The following FSIP2 variants were observed in gnomAD, a reference collection of about 807,000 sequenced individuals.
FSIP2 encodes the protein fibrous sheath interacting protein 2.
A neutral mutation model predicts 510.5 loss-of-function variants in FSIP2; 367 were observed. The observed-to-expected ratio is 0.72, with a 90% CI of 0.66 to 0.78. The LOEUF is 0.78. FSIP2 is among the 30% of genes least tolerant of loss of function. The pLI is 0.00. For synonymous variants in FSIP2, 2,601 were observed against 2,732.2 expected, an observed-to-expected ratio of 0.95 and a Z score of 1.50; for missense variants, 7,594 against 7,901.7, an observed-to-expected ratio of 0.96 and a Z score of 1.48.
At position 185,805,190 on chromosome 2, in the gene FSIP2, C is replaced by T. The variant is rs773224701; in HGVS notation, c.15884C>T (p.Thr5295Ile). 2 of 1,605,736 alleles carry T rather than the reference C, an allele frequency of 1.2e-6. No homozygotes were observed. The highest frequency in any genetic ancestry group is 1.7e-6 in the Non-Finnish European group (2 of 1,176,718). Reference protein sequence around the residue: ...VHKFCSLLIITEDSKKNEMAE... With the variant: ...VHKFCSLLIIIEDSKKNEMAE... ...AAATTTTGTTCTCTCCTCATTATTA[C>T]TGAAGATTCTAAGAAAAATGAAATG... Residue 5295 changes from threonine to isoleucine, a missense_variant, in exon 17 of 23, where the codon ACT becomes ATT. Coordinates refer to ENST00000424728, the MANE Select transcript of FSIP2 (RefSeq NM_173651.4).
At chr2:185,831,760 T>A (rs1694112984) in intron 21 of FSIP2, 53 bp from the exon 22 acceptor site, 1 of 1,109,316 alleles carries the variant, frequency 9.0e-7, no homozygotes, top group South Asian at 1.2e-5. Context: ...TGGGTATATC[T>A]AGTGTTTGTG....
At position 185,753,850 on chromosome 2, in the gene FSIP2, T is replaced by C; in HGVS notation, c.991+8T>C. On this transcript the variant is annotated splice_region_variant and intron_variant, in intron 8 of 22. Coordinates refer to ENST00000424728, the MANE Select transcript of FSIP2 (RefSeq NM_173651.4). ...GTCAAGATGGAACACATGGTGAATG[T>C]GAGAACATTAAAAGATGATGTAGCT... 1 of 1,445,608 alleles carries C rather than the reference T, an allele frequency of 6.9e-7. No individual in the cohort carries two copies. Among genetic ancestry groups the C allele is most frequent in the Non-Finnish European group, 9.1e-7 (1 of 1,104,758 alleles). 89.5% of individuals were successfully genotyped at this position (1,445,608 alleles called of 1,614,324 possible).
Position 185,806,531 on chromosome 2 carries a change from T to C in FSIP2, c.17225T>C (p.Ile5742Thr). The change falls in exon 17 of 23, where the codon ATC becomes ACC. Residue 5742 changes from isoleucine (I) to threonine (T), a missense_variant. By Grantham distance (89) the Ile-to-Thr change is moderately conservative (BLOSUM62 -1). Transcript: ENST00000424728. ...GTATCCTCCTCAACTAACAAAAATA[T>C]CTCTGCCAAAGAAAAAGAAGAGGAA... ...KKVSSSTNKN[I>T]SAKEKEEEER... The C allele has an allele frequency of 1.3e-6, 2 of 1,597,762 alleles. No homozygotes were observed. Among genetic ancestry groups the C allele is most frequent in the South Asian group, 1.1e-5 (1 of 87,724 alleles).
chr2:185,828,376 A>G (rs948086770), intron 21 of FSIP2, among the ~76,000 whole-genome samples, 177 bp downstream of exon 21: 12 of 151,848 alleles, frequency 7.9e-5, no homozygotes, highest in Non-Finnish European at 1.5e-4. Context: ...TGTCCCTGGT[A>G]TATTAAAATA....
rs201698826 is a variant in FSIP2, at chr2:185,794,037, G to A, written c.6901G>A (p.Asp2301Asn). Reference protein sequence around the residue: ...NCKQNDSIFYDSSQVESDVNV... With the variant: ...NCKQNDSIFYNSSQVESDVNV... ...TAAACAAAATGACAGCATCTTTTAT[G>A]ATTCAAGCCAAGTGGAATCAGATGT... The change falls in exon 16 of 23, where the codon GAT (aspartate) becomes AAT (asparagine). Residue 2301 changes from aspartate to asparagine, a missense_variant. Transcript: ENST00000424728. 1.8e-5 allele frequency: 28 copies of A among 1,533,764 alleles called. No homozygotes were observed. The South Asian group carries it at 3.0e-4, about 16-fold the overall frequency.
intron 7 of FSIP2, among the ~76,000 whole-genome samples, chr2:185,751,690 A>T (rs1692151953): frequency 6.6e-6 from 1 of 151,044 alleles, no homozygotes; most frequent in South Asian, 2.1e-4. Flanking sequence ...TTGATTTTTA[A>T]TGATCCCTTT....
At chr2:185,760,960 AT>A in intron 9 of FSIP2, 27 bp from the exon 10 acceptor site, 1 of 876,970 alleles carries the variant, frequency 1.1e-6, no homozygotes, top group Non-Finnish European at 1.7e-6. Flanking sequence ...AAAAAAAACT[AT>A]AGAGTTTCTC....
In FSIP2 at chr2:185,789,138, G is replaced by C. The variant is rs745893655; in HGVS notation, c.2002G>C (p.Asp668His). 6.5e-7 allele frequency: 1 copy of C among 1,535,112 alleles called. No individual in the cohort carries two copies. Among genetic ancestry groups the C allele is most frequent in the East Asian group, 2.4e-5 (1 of 40,860 alleles). ...KKSKDATTETDSLGSSLHCDK... is the reference protein window; with the variant it reads ...KKSKDATTETHSLGSSLHCDK... ...ATCTAAGGATGCTACCACTGAAACA[G>C]ATAGCTTAGGGAGTTCATTGCATTG... The change falls in exon 16 of 23, where the codon GAT becomes CAT. Residue 668 changes from aspartate (D) to histidine (H), a missense_variant. Coordinates refer to ENST00000424728, the MANE Select transcript of FSIP2 (RefSeq NM_173651.4).
Position 185,806,028 on chromosome 2 carries a change from TA to T in FSIP2, c.16728del (p.Asp5579MetfsTer10). On this transcript the variant is annotated frameshift_variant, in exon 17 of 23. Transcript: ENST00000424728. LOFTEE classifies it high-confidence loss of function. Reference sequence around the variant, plus strand: ...AGAAAAGAAATTTAATTCCAACAGATAAAAAAGGGAAAGATGATGAGATATA... The same window carrying T: ...AGAAAAGAAATTTAATTCCAACAGATAAAAAGGGAAAGATGATGAGATATA... ...EKKRNLIPTDKKGKDDEIYTH... is the reference protein window; with the variant it reads ...EKKRNLIPTDXKGKDDEIYTH... 5 of 1,552,732 alleles carry T rather than the reference TA, an allele frequency of 3.2e-6. No homozygotes were observed. The highest frequency in any genetic ancestry group is 2.0e-5 in the Admixed American group (1 of 49,006).
At chr2:185,823,587 G>T (rs1228439787) in intron 19 of FSIP2, among the ~76,000 whole-genome samples, 1 of 151,632 alleles carries the variant, frequency 6.6e-6, no homozygotes, top group East Asian at 2.0e-4. Context: ...TAAAGAAAAA[G>T]AAAACAAGTA....
At chr2:185,738,464 G>T, upstream of FSIP2, 1 of 738,208 alleles carries the variant, frequency 1.4e-6, no homozygotes, top group Non-Finnish European at 2.2e-6. Context: ...ATGGGGTGTG[G>T]TCTATATGGG....
At chr2:185,782,791 A>C (rs892245490) in intron 14 of FSIP2, 29 bp downstream of exon 14, 3 of 1,152,526 alleles carry the variant, frequency 2.6e-6, no homozygotes. Context: ...ATATATAATC[A>C]TAACTAATTT....
intron 13 of FSIP2, among the ~76,000 whole-genome samples, chr2:185,773,387 TGTAA>T (rs1171559705): frequency 6.6e-6 from 1 of 152,228 alleles, no homozygotes; most frequent in Non-Finnish European, 1.5e-5. Context: ...AGGTTTTCTT[TGTAA>T]GTGACTAGAT....
In FSIP2 at chr2:185,793,978, A is replaced by G. The variant is rs1337671251; in HGVS notation, c.6842A>G (p.Glu2281Gly). 3 of 1,531,882 alleles carry G rather than the reference A, an allele frequency of 2.0e-6. No homozygotes were observed. Among genetic ancestry groups the G allele is most frequent in the Non-Finnish European group, 2.6e-6 (3 of 1,144,504 alleles). The allele number at this position is 1,531,882 out of a possible 1,614,324, so 94.9% of individuals were successfully genotyped here. A position where few individuals can be genotyped will look rare whatever the true frequency, so the allele number is the denominator to read the frequency against. The change falls in exon 16 of 23, where the codon GAA (glutamate) becomes GGA (glycine). Residue 2281 changes from glutamate (E) to glycine (G), a missense_variant. By Grantham distance (98) the Glu-to-Gly change is moderately conservative. Coordinates refer to ENST00000424728, the MANE Select transcript of FSIP2 (RefSeq NM_173651.4). ...ATTACCCTTGCTTTCCAAAGTAAAG[A>G]AAAGTCATTTGTTATCCCAGAATTG... is the stretch of plus-strand genomic sequence containing the variant. ...SLITLAFQSKEKSFVIPELEN... is the reference protein window; with the variant it reads ...SLITLAFQSKGKSFVIPELEN...
At position 185,793,694 on chromosome 2, in the gene FSIP2, CCT is replaced by C; in HGVS notation, c.6559_6560del (p.Leu2187AspfsTer4). Reference protein sequence around the residue: ...AKNPTSARLPLTFCDTFPKID... With the variant: ...AKNPTSARLPXTFCDTFPKID... Reference sequence around the variant, plus strand: ...AGAATCCTACTTCTGCAAGATTGCCCCTGACATTTTGTGATACGTTTCCAAAA... The same window carrying C: ...AGAATCCTACTTCTGCAAGATTGCCCGACATTTTGTGATACGTTTCCAAAA... On this transcript the variant is annotated frameshift_variant, in exon 16 of 23. Transcript: ENST00000424728. LOFTEE classifies it high-confidence loss of function. 6.5e-7 allele frequency: 1 copy of C among 1,534,698 alleles called. No homozygotes were observed. The highest frequency in any genetic ancestry group is 8.7e-7 in the Non-Finnish European group (1 of 1,145,828).
At position 185,792,118 on chromosome 2, in the gene FSIP2, C is replaced by T. The variant is rs1225569960; in HGVS notation, c.4982C>T (p.Thr1661Ile). 3 of 1,533,658 alleles carry T rather than the reference C, an allele frequency of 2.0e-6. No homozygotes were observed. The African/African-American group carries it at 4.1e-5, about 21-fold the overall frequency. Reference protein sequence around the residue: ...LKVIQTELNVTSSDLKTSVEN... With the variant: ...LKVIQTELNVISSDLKTSVEN... ...GTTATTCAAACAGAATTAAATGTGACCTCATCAGATTTGAAGACAAGTGTA... is the reference window on the plus strand; with the variant it reads ...GTTATTCAAACAGAATTAAATGTGATCTCATCAGATTTGAAGACAAGTGTA... The change falls in exon 16 of 23, where the codon ACC becomes ATC. Residue 1661 changes from threonine to isoleucine, a missense_variant. By Grantham distance (89) the Thr-to-Ile change is moderately conservative. Coordinates refer to ENST00000424728, the MANE Select transcript of FSIP2 (RefSeq NM_173651.4).
chr2:185,796,157 G>GT lies in FSIP2; in HGVS notation c.9024dup (p.Lys3009Ter), dbSNP rs1693270463. 1 of 1,533,752 alleles carries GT rather than the reference G, an allele frequency of 6.5e-7. No homozygotes were observed. The highest frequency in any genetic ancestry group is 1.4e-5 in the African/African-American group (1 of 72,866). On this transcript the variant is annotated frameshift_variant, in exon 16 of 23. Transcript: ENST00000424728. LOFTEE classifies it high-confidence loss of function. ...TGTTAGAGTCATTTGTGGACTTGCA[G>GT]TTTAAACATATCTCCAAATATGAGT...
At position 185,793,564 on chromosome 2, in the gene FSIP2, C is replaced by A; in HGVS notation, c.6428C>A (p.Pro2143His). Residue 2143 changes from proline to histidine, a missense_variant, in exon 16 of 23, where the codon CCT (proline) becomes CAT (histidine). Physicochemically the swap from Pro to His is moderately conservative, Grantham distance 77. Transcript: ENST00000424728. The part of the protein sequence containing the change: ...MFMEGANKII[P>H]KLSVPKSDVI... ...ATGGAGGGTGCAAATAAGATTATTC[C>A]TAAGCTTTCAGTTCCTAAATCAGAT... The A allele has an allele frequency of 6.5e-7, 1 of 1,534,140 alleles. No homozygotes were observed.
chr2:185,762,636 A>G (rs1289132054), intron 11 of FSIP2, among the ~76,000 whole-genome samples: 1 of 151,306 alleles, frequency 6.6e-6, no homozygotes, highest in Non-Finnish European at 1.5e-5. Context: ...TTTGTATCTA[A>G]AAGTTCACAT....
Sources: allele counts gnomAD v4.1 joint callset (sites outside exome capture counted in the v4.1 genomes callset), GRCh38; gene constraint gnomAD v4.1.1; transcripts MANE v1.5; gene names NCBI Gene and HGNC (gene_info 2026-07-23, HGNC 2026-07-21).